Variants in SNRNP200 observed in about 807,000 individuals in gnomAD.
SNRNP200 encodes the protein small nuclear ribonucleoprotein U5 subunit 200, also known as U5 small nuclear ribonucleoprotein 200 kDa helicase.
Under a neutral mutation model 255.2 loss-of-function variants are expected in SNRNP200, and 66 were observed. That is an observed-to-expected ratio of 0.26 (90% CI 0.21 to 0.32). SNRNP200 has a LOEUF of 0.32. SNRNP200 is among the 10% of genes least tolerant of loss of function. SNRNP200 has a pLI of 1.00. For missense variants in SNRNP200, 1,585 were observed against 2,749.8 expected (o/e 0.58, Z 9.47); for synonymous variants, 939 against 1,027.8 (o/e 0.91, Z 1.65).
chr2:96,294,661 AC>A (rs1485913260), intron 14 of SNRNP200, among the ~76,000 whole-genome samples: 5 of 152,204 alleles, frequency 3.3e-5, no homozygotes, highest in Admixed American at 2.0e-4. Flanking sequence ...CTTTTCCCAG[AC>A]AACTTAAACT....
intron 5 of SNRNP200, among the ~76,000 whole-genome samples, chr2:96,299,795 A>G (rs1487112338): frequency 6.6e-6 from 1 of 152,226 alleles, no homozygotes; most frequent in African/African-American, 2.4e-5. Flanking sequence ...AAGAGATCGC[A>G]CTTAGCCTGC....
At position 96,278,192 on chromosome 2, in the gene SNRNP200, A is replaced by T; in HGVS notation, c.5610+45T>A. ...CCATGTGCTCTGGGCACACAGGCCG[A>T]GTTTGTTGTTCCCAGGATGCTCTCC... On this transcript the variant is annotated intron_variant, in intron 39 of 44. Coordinates refer to ENST00000323853, the MANE Select transcript of SNRNP200 (RefSeq NM_014014.5). The surrounding 1 kb of genome is among the most constrained non-coding windows in gnomAD (Gnocchi z 6.9). 1 of 1,613,810 alleles carries T rather than the reference A, an allele frequency of 6.2e-7. No individual in the cohort carries two copies. Among genetic ancestry groups the T allele is most frequent in the Non-Finnish European group, 8.5e-7 (1 of 1,179,952 alleles).
chr2:96,286,023 G>C lies in SNRNP200; in HGVS notation c.4003+288C>G, dbSNP rs2063841786. ...GGCTTCAGTGCCACCCCATGGTTCT[G>C]GTTCAATACTTGAGCGCCAGGGGCA... On this transcript the variant is annotated intron_variant, in intron 29 of 44. Coordinates refer to ENST00000323853, the MANE Select transcript of SNRNP200 (RefSeq NM_014014.5). This position sits in a 1 kb window ranked among gnomAD's most constrained non-coding sequence, Gnocchi z 4.8. 6.6e-6 allele frequency among the ~76,000 whole-genome samples: 1 copy of C among 152,212 alleles called. No homozygotes were observed. The highest frequency in any genetic ancestry group is 1.5e-5 in the Non-Finnish European group (1 of 68,038).
Position 96,291,832 on chromosome 2 carries a change from T to A in SNRNP200, c.2229A>T (p.Leu743=). ...GAAACAGACCCAGAGTGTCCTTTTC[T>A]AGGCACATGTCCCGGATGGCCCTGG... ...KTARAIRDMC[L]EKDTLGLFLR... is the part of the protein sequence containing the mutation. The change falls in exon 17 of 45, where the codon CTA becomes CTT. Residue 743 remains leucine, a synonymous_variant. Coordinates refer to ENST00000323853, the MANE Select transcript of SNRNP200 (RefSeq NM_014014.5). This position sits in a 1 kb window ranked among gnomAD's most constrained non-coding sequence, Gnocchi z 4.2. 1 of 1,614,076 alleles carries A rather than the reference T, an allele frequency of 6.2e-7. No homozygotes were observed. The highest frequency in any genetic ancestry group is 2.2e-5 in the East Asian group (1 of 44,900).
rs373318771 is a variant in SNRNP200 at position 96,301,516 on chromosome 2, G to A, written c.574+8C>T. 3.4e-5 allele frequency: 55 copies of A among 1,613,668 alleles called. No homozygotes were observed. Among genetic ancestry groups the A allele is most frequent in the Admixed American group, 5.0e-5 (3 of 60,002 alleles). ...TGAACATGATCAGAACATAAAGCGC[G>A]CACTTACCCATATTTTGGATTTCCT... On this transcript the variant is annotated splice_region_variant and intron_variant, in intron 4 of 44. Transcript: ENST00000323853.
rs1211573071 is a variant in SNRNP200 at position 96,274,844 on chromosome 2, T to G, written c.*168A>C. On this transcript the variant is annotated 3_prime_UTR_variant, in exon 45 of 45. Coordinates refer to ENST00000323853, the MANE Select transcript of SNRNP200 (RefSeq NM_014014.5). ...ACCCATGACACCTGCTGTCACTGGA[T>G]CCAGAGTGAGCAAGGGAAAGGAAGT... 5.4e-6 allele frequency: 4 copies of G among 747,432 alleles called. No individual in the cohort carries two copies. In the African/African-American group the frequency reaches 6.9e-5, roughly 13 times the overall value. 46.3% of individuals were successfully genotyped at this position (747,432 alleles called of 1,614,324 possible). A position where few individuals can be genotyped will look rare whatever the true frequency, so the allele number is the denominator to read the frequency against.
intron 31 of SNRNP200, 29 bp from the exon 32 acceptor site, chr2:96,284,033 T>C: frequency 6.5e-7 from 1 of 1,546,786 alleles, no homozygotes. Flanking sequence ...GGAGGGTCAC[T>C]GCAGGCCAAG....
intron 35 of SNRNP200, among the ~76,000 whole-genome samples, chr2:96,280,700 C>A (rs1167213321): frequency 6.6e-6 from 1 of 150,976 alleles, no homozygotes; most frequent in Admixed American, 6.6e-5. Context: ...CAGGCGCGTG[C>A]CACCACACCA....
At position 96,286,863 on chromosome 2, in the gene SNRNP200, G is replaced by A. The variant is rs3214060; in HGVS notation, c.3654C>T (p.Ser1218=). 6,448 of 1,614,130 alleles carry A rather than the reference G, an allele frequency of 4.0e-3. 186 individuals carry two copies. The East Asian group carries it at 0.088, about 22-fold the overall frequency. ...CCTCCACCAGAATCCAAAAAGCCTC[G>A]GATGAACCATGCACCTGCCAACAGG... ...FQWDEKVHGS[S]EAFWILVEDV... is the part of the protein sequence containing the mutation. Residue 1218 remains serine, a synonymous_variant, in exon 28 of 45, where the codon TCC becomes TCT. Coordinates refer to ENST00000323853, the MANE Select transcript of SNRNP200 (RefSeq NM_014014.5). This position sits in a 1 kb window ranked among gnomAD's most constrained non-coding sequence, Gnocchi z 4.8.
chr2:96,292,497 G>A (rs1349448771), intron 16 of SNRNP200, among the ~76,000 whole-genome samples: 1 of 152,114 alleles, frequency 6.6e-6, no homozygotes. Context: ...ACACTGTCTA[G>A]TAAAATGCCC....
chr2:96,282,205 T>C (rs1222920041), intron 34 of SNRNP200: 1 of 412,946 alleles, frequency 2.4e-6, no homozygotes, highest in Admixed American at 3.6e-5. Flanking sequence ...GATGGACTGC[T>C]CCTCTGACCA....
At chr2:96,304,408 C>T (rs958071308) in intron 2 of SNRNP200, among the ~76,000 whole-genome samples, 1 of 152,070 alleles carries the variant, frequency 6.6e-6, no homozygotes, top group Non-Finnish European at 1.5e-5. Flanking sequence ...AAAAGGAAAA[C>T]GAATTACTGG....
chr2:96,290,175 C>T lies in SNRNP200; in HGVS notation c.2742+151G>A. The T allele has an allele frequency of 9.4e-7, 1 of 1,059,560 alleles. No individual in the cohort carries two copies. The allele number at this position is 1,059,560 out of a possible 1,614,324, so 65.6% of individuals were successfully genotyped here. ...TAAGCGTCTTCTAAGATCTTGGTAACAAGGGGAACTATCTGCCAGACCCAA... is the reference window on the plus strand; with the variant it reads ...TAAGCGTCTTCTAAGATCTTGGTAATAAGGGGAACTATCTGCCAGACCCAA... On this transcript the variant is annotated intron_variant, in intron 20 of 44. Transcript: ENST00000323853. The surrounding 1 kb of genome is among the most constrained non-coding windows in gnomAD (Gnocchi z 4.5).
At chr2:96,299,087 C>T in intron 6 of SNRNP200, 120 bp from the exon 7 acceptor site, 1 of 1,338,326 alleles carries the variant, frequency 7.5e-7, no homozygotes, top group Non-Finnish European at 1.1e-6. Context: ...GAGGACTTTC[C>T]AGAGGAAAAA....
chr2:96,296,744 C>T, intron 12 of SNRNP200, 53 bp from the exon 13 acceptor site: 1 of 1,602,056 alleles, frequency 6.2e-7, no homozygotes, highest in Non-Finnish European at 8.6e-7. Context: ...ATTCTCACTG[C>T]CCTAACTTCC....
At position 96,290,004 on chromosome 2, in the gene SNRNP200, A is replaced by T. The variant is rs762931438; in HGVS notation, c.2743-8T>A. ...CAGCCAGTTCACCGCATCCTACAAG[A>T]CACAGCTCATGGTTCTTAGCATGGA... On this transcript the variant is annotated splice_region_variant and splice_polypyrimidine_tract_variant and intron_variant, in intron 20 of 44. Coordinates refer to ENST00000323853, the MANE Select transcript of SNRNP200 (RefSeq NM_014014.5). This position sits in a 1 kb window ranked among gnomAD's most constrained non-coding sequence, Gnocchi z 4.5. The T allele has an allele frequency of 1.9e-5, 30 of 1,613,968 alleles. No homozygotes were observed. In the South Asian group the frequency reaches 3.2e-4, roughly 17 times the overall value.
chr2:96,300,046 T>C (rs184740852), intron 5 of SNRNP200, among the ~76,000 whole-genome samples: 2 of 152,326 alleles, frequency 1.3e-5, no homozygotes, highest in East Asian at 1.9e-4. Flanking sequence ...CCTGCCAAGA[T>C]ACAGGACTCA....
Position 96,296,518 on chromosome 2 carries a change from A to G in SNRNP200, c.1671+18T>C, listed in dbSNP as rs55658279. 9.3e-4 allele frequency: 1,507 copies of G among 1,613,742 alleles called. 7 individuals are homozygous for G. In the Middle Eastern group the frequency reaches 9.4e-3, roughly 10 times the overall value. On this transcript the variant is annotated intron_variant, in intron 13 of 44. Coordinates refer to ENST00000323853, the MANE Select transcript of SNRNP200 (RefSeq NM_014014.5). ...AGGTGCACCCAGTATCCTCTGCAGG[A>G]AAGTTCTACTCCCTCACCTTTCCAA...
chr2:96,284,130 C>T (rs1000365150), intron 31 of SNRNP200, 126 bp from the exon 32 acceptor site: 2 of 1,008,404 alleles, frequency 2.0e-6, no homozygotes, highest in Non-Finnish European at 3.0e-6. Flanking sequence ...TAGGAGCTCT[C>T]ATGTGTTTGG....
Sources: allele counts gnomAD v4.1 joint callset (sites outside exome capture counted in the v4.1 genomes callset), GRCh38; gene constraint gnomAD v4.1.1; non-coding constraint Gnocchi (gnomAD v3.1); transcripts MANE v1.5; gene names NCBI Gene and HGNC (gene_info 2026-07-23, HGNC 2026-07-21).